Variants in DCDC1 observed in about 807,000 individuals in gnomAD.
DCDC1 encodes doublecortin domain-containing protein 1.
Under a neutral mutation model 178.3 loss-of-function variants are expected in DCDC1, and 200 were observed. The observed-to-expected ratio is 1.12, with a 90% CI of 1.00 to 1.26. The LOEUF (loss-of-function observed/expected upper bound fraction) is 1.26. DCDC1 is among the 50% of genes most tolerant of loss of function. The pLI is 0.00. For missense variants in DCDC1, 1,983 were observed against 1,749.2 expected, an observed-to-expected ratio of 1.13 and a Z score of -2.38; for synonymous variants, 690 against 604.8, an observed-to-expected ratio of 1.14 and a Z score of -2.07.
intron 20 of DCDC1, among the ~76,000 whole-genome samples, chr11:31,014,509 T>C (rs933930573): frequency 3.9e-5 from 6 of 152,318 alleles, no homozygotes; most frequent in African/African-American, 1.2e-4. Context: ...CCTAGCTAGC[T>C]GCTCCTGGAT....
intron 15 of DCDC1, among the ~76,000 whole-genome samples, chr11:31,097,156 T>A (rs763204321): frequency 6.6e-6 from 1 of 152,226 alleles, no homozygotes; most frequent in Non-Finnish European, 1.5e-5. Context: ...GTAGAAGCAG[T>A]CAATGATAAA....
At chr11:30,952,595 G>C (rs1307821343) in intron 20 of DCDC1, 27 bp from the exon 21 acceptor site, 1 of 1,007,328 alleles carries the variant, frequency 9.9e-7, no homozygotes, top group Admixed American at 2.2e-5. Context: ...AAAACAAAAA[G>C]AAATTTAGCA....
intron 3 of DCDC1, among the ~76,000 whole-genome samples, chr11:31,323,600 G>GT (rs899261923): frequency 1.3e-4 from 20 of 150,918 alleles, no homozygotes; most frequent in East Asian, 3.9e-4. Flanking sequence ...TTCCTGAAGA[G>GT]TTTTTTTTTA....
chr11:31,336,506 G>A (rs1950281204), intron 1 of DCDC1, among the ~76,000 whole-genome samples: 1 of 152,228 alleles, frequency 6.6e-6, no homozygotes, highest in Non-Finnish European at 1.5e-5. Flanking sequence ...TAAGCTCATG[G>A]AGTGTTTAGC....
intron 9 of DCDC1, among the ~76,000 whole-genome samples, chr11:31,148,124 A>C (rs1964651336): frequency 6.6e-6 from 1 of 151,730 alleles, no homozygotes; most frequent in Admixed American, 6.6e-5. Flanking sequence ...ATATCTAAGC[A>C]AAAAGTTTAT....
At chr11:31,165,907 G>A (rs1472659569) in intron 9 of DCDC1, among the ~76,000 whole-genome samples, 1 of 151,918 alleles carries the variant, frequency 6.6e-6, no homozygotes, top group African/African-American at 2.4e-5. Context: ...TAAAATTCAG[G>A]GAATTTCCAC....
intron 10 of DCDC1, among the ~76,000 whole-genome samples, chr11:31,134,499 C>T (rs1340389000): frequency 6.6e-6 from 1 of 152,210 alleles, no homozygotes; most frequent in Non-Finnish European, 1.5e-5. Context: ...CCCAACCTTC[C>T]TTTCCTCCCT....
chr11:31,143,038 A>G (rs1225104610), intron 9 of DCDC1, among the ~76,000 whole-genome samples: 1 of 152,190 alleles, frequency 6.6e-6, no homozygotes, highest in Non-Finnish European at 1.5e-5. Context: ...ATTTTTCCAG[A>G]TACAAATAGG....
chr11:30,982,112 A>G (rs1031289776), intron 20 of DCDC1, among the ~76,000 whole-genome samples: 2 of 152,222 alleles, frequency 1.3e-5, no homozygotes, highest in African/African-American at 4.8e-5. Flanking sequence ...TTAAAGGTAC[A>G]CTAGAGGCAG....
intron 8 of DCDC1, chr11:31,262,516 C>T (rs1360021005): frequency 3.3e-5 from 5 of 152,108 alleles, no homozygotes; most frequent in Admixed American, 3.3e-4. Flanking sequence ...TACAATTACA[C>T]TTCTAATCTG....
intron 11 of DCDC1, among the ~76,000 whole-genome samples, chr11:31,123,613 G>T (rs901522149): frequency 2.0e-5 from 3 of 151,964 alleles, no homozygotes; most frequent in African/African-American, 4.8e-5. Context: ...TGAGAATGGG[G>T]CTGATATCCA....
At chr11:30,975,814 C>A (rs1268838286) in intron 20 of DCDC1, among the ~76,000 whole-genome samples, 3 of 151,814 alleles carry the variant, frequency 2.0e-5, no homozygotes, top group African/African-American at 7.3e-5. Flanking sequence ...TCAATACAAT[C>A]CCTATCAAAG....
chr11:31,167,998 C>T, intron 9 of DCDC1, among the ~76,000 whole-genome samples: 1 of 152,268 alleles, frequency 6.6e-6, no homozygotes, highest in East Asian at 1.9e-4. Flanking sequence ...GGTATGTGTG[C>T]ACTCATAGGC....
intron 9 of DCDC1, among the ~76,000 whole-genome samples, chr11:31,163,254 G>A (rs1251083261): frequency 6.6e-6 from 1 of 151,990 alleles, no homozygotes; most frequent in Non-Finnish European, 1.5e-5. Flanking sequence ...TAAAATAAAG[G>A]CAATATTTAT....
chr11:30,954,007 T>C (rs1351798099), intron 20 of DCDC1, among the ~76,000 whole-genome samples: 4 of 39,986 alleles, frequency 1.0e-4, no homozygotes, highest in South Asian at 8.5e-4. Flanking sequence ...CAACAATTCT[T>C]TTTTTTTTTT....
intron 8 of DCDC1, among the ~76,000 whole-genome samples, chr11:31,253,623 A>G (rs1944218678): frequency 6.6e-6 from 1 of 152,192 alleles, no homozygotes; most frequent in Non-Finnish European, 1.5e-5. Flanking sequence ...GATTTAAATA[A>G]TATTTTAAAA....
chr11:30,963,201 T>G (rs1949220751), intron 20 of DCDC1, among the ~76,000 whole-genome samples: 1 of 152,112 alleles, frequency 6.6e-6, no homozygotes, highest in South Asian at 2.1e-4. Flanking sequence ...TCGTGCCATT[T>G]CAAGAAACCA....
At chr11:31,333,265 C>A (rs891200718) in intron 2 of DCDC1, among the ~76,000 whole-genome samples, 12 of 152,006 alleles carry the variant, frequency 7.9e-5, no homozygotes, top group African/African-American at 2.9e-4. Context: ...TTATTTTGAG[C>A]CTATGTGTGT....
chr11:30,881,369 A>G, intron 36 of DCDC1, 61 bp from the exon 37 acceptor site: 1 of 1,565,038 alleles, frequency 6.4e-7, no homozygotes, highest in Non-Finnish European at 8.7e-7. Context: ...TCATGTATCA[A>G]AGAACCAACT....
Sources: gnomAD v4.1 joint callset for allele counts (sites outside exome capture counted in the v4.1 genomes callset) on GRCh38, gnomAD v4.1.1 for gene constraint, MANE v1.5 for transcripts, NCBI Gene and HGNC (gene_info 2026-07-23, HGNC 2026-07-21) for gene names.